UST: variants seen among roughly 807,000 people sequenced by gnomAD.
UST encodes the protein chondroitin sulfate 2-O-sulfotransferase.
In UST, 21 loss-of-function variants were observed where a neutral mutation model predicts 45.6. The ratio of observed to expected loss-of-function variants is 0.46; its 90% CI spans 0.33 to 0.66. The LOEUF is 0.66. Among genes scored for constraint, UST ranks in the 30% least tolerant of loss-of-function variants. The probability of loss-of-function intolerance (pLI) is 0.02; values close to 1 mark genes in which losing one functional copy is unlikely to be tolerated. For missense variants in UST, 463 were observed against 512.4 expected (o/e 0.90, Z 0.93); for synonymous variants, 215 against 200.6 (o/e 1.07, Z -0.61).
At position 148,969,805 on chromosome 6, in the gene UST, C is replaced by T. The variant is rs547721014; in HGVS notation, c.681+5242C>T. ...AAATTGCCTCACTAGATTCCTTCCC[C>T]CGGGAACCTGTTTCTAAGGAAACTA... On this transcript the variant is annotated intron_variant, in intron 5 of 7. Transcript: ENST00000367463. Among the ~76,000 whole-genome samples, 8 of 152,310 alleles carry T rather than the reference C, an allele frequency of 5.3e-5. No homozygotes were observed. The East Asian group carries it at 9.6e-4, about 18-fold the overall frequency.
At chr6:149,052,633 A>G (rs367555336) in intron 7 of UST, among the ~76,000 whole-genome samples, 2 of 152,164 alleles carry the variant, frequency 1.3e-5, no homozygotes, top group African/African-American at 4.8e-5. Context: ...GCAAAATCTA[A>G]AACATGATTA....
At chr6:149,021,543 T>C in intron 7 of UST, 62 bp downstream of exon 7, 2 of 1,561,870 alleles carry the variant, frequency 1.3e-6, no homozygotes, top group Non-Finnish European at 1.7e-6. Context: ...CTACTCACCT[T>C]GAAAAGGCCT....
chr6:148,861,827 C>T (rs1381186713), intron 1 of UST, among the ~76,000 whole-genome samples: 1 of 152,174 alleles, frequency 6.6e-6, no homozygotes, highest in Non-Finnish European at 1.5e-5. Flanking sequence ...TTCCTTAATC[C>T]TGAGTTCTAG....
At chr6:149,049,981 T>A (rs1211769808) in intron 7 of UST, among the ~76,000 whole-genome samples, 1 of 149,252 alleles carries the variant, frequency 6.7e-6, no homozygotes, top group Non-Finnish European at 1.5e-5. Flanking sequence ...CCCTTTCTTG[T>A]ATACAGAAGC....
chr6:148,782,091 C>CT (rs1057313494), intron 1 of UST, among the ~76,000 whole-genome samples: 24 of 151,532 alleles, frequency 1.6e-4, no homozygotes, highest in Non-Finnish European at 2.4e-4. Context: ...AAATACATTT[C>CT]TTTTTTTTTG....
At chr6:148,777,073 T>C (rs2114682806) in intron 1 of UST, among the ~76,000 whole-genome samples, 1 of 152,302 alleles carries the variant, frequency 6.6e-6, no homozygotes, top group African/African-American at 2.4e-5. Flanking sequence ...ACAGCAGGAA[T>C]GGCCCTCACT....
chr6:148,847,587 A>C (rs1180957562), intron 1 of UST, among the ~76,000 whole-genome samples: 1 of 152,192 alleles, frequency 6.6e-6, no homozygotes, highest in Non-Finnish European at 1.5e-5. Flanking sequence ...TCCTTACACA[A>C]GGACATGAAT....
At chr6:148,962,385 C>T (rs1780678619) in intron 4 of UST, among the ~76,000 whole-genome samples, 1 of 152,338 alleles carries the variant, frequency 6.6e-6, no homozygotes, top group Middle Eastern at 3.4e-3. Flanking sequence ...CACTAGCAGT[C>T]ATTCTTCACA....
At chr6:148,901,643 T>G (rs1225440271) in intron 2 of UST, among the ~76,000 whole-genome samples, 1 of 151,322 alleles carries the variant, frequency 6.6e-6, no homozygotes, top group Non-Finnish European at 1.5e-5. Context: ...CTGCAACCTC[T>G]GCCTCCCGGG....
intron 5 of UST, among the ~76,000 whole-genome samples, chr6:149,010,907 A>ACAAACAAC (rs1191337557): frequency 1.4e-5 from 2 of 140,498 alleles, no homozygotes; most frequent in Non-Finnish European, 3.1e-5. Flanking sequence ...AAAAAAAAAA[A>ACAAACAAC]AAAAAAAAAA....
At chr6:149,045,604 A>T (rs1776384747) in intron 7 of UST, among the ~76,000 whole-genome samples, 1 of 152,112 alleles carries the variant, frequency 6.6e-6, no homozygotes, top group African/African-American at 2.4e-5. Flanking sequence ...CACCACAGGG[A>T]GGTGACTGGA....
At chr6:149,065,031 A>G (rs1483951844) in intron 7 of UST, among the ~76,000 whole-genome samples, 1 of 152,188 alleles carries the variant, frequency 6.6e-6, no homozygotes, top group Non-Finnish European at 1.5e-5. Context: ...CAGTGGGCAC[A>G]AGAGACATGA....
At chr6:148,939,538 A>G (rs1160492782) in intron 2 of UST, among the ~76,000 whole-genome samples, 2 of 152,210 alleles carry the variant, frequency 1.3e-5, no homozygotes, top group Admixed American at 1.3e-4. Context: ...AGAATCCAGA[A>G]ATAATAATGA....
chr6:148,886,939 T>C lies in UST; in HGVS notation c.248-47T>C, dbSNP rs757117273. ...TTCAATAACTTTGCACTAAATTCAT[T>C]TGGGATTTAAAAAACGGATTCATCA... On this transcript the variant is annotated intron_variant, in intron 1 of 7. Coordinates refer to ENST00000367463, the MANE Select transcript of UST (RefSeq NM_005715.3). 4 of 1,509,462 alleles carry C rather than the reference T, an allele frequency of 2.6e-6. No homozygotes were observed. In the Admixed American group the frequency reaches 5.1e-5, roughly 19 times the overall value. 93.5% of individuals were successfully genotyped at this position (1,509,462 alleles called of 1,614,324 possible). A position where few individuals can be genotyped will look rare whatever the true frequency, so the allele number is the denominator to read the frequency against.
chr6:149,072,510 AG>A (rs1298709411), intron 7 of UST, among the ~76,000 whole-genome samples: 1 of 152,040 alleles, frequency 6.6e-6, no homozygotes. Context: ...AAAATTAGCC[AG>A]GCATGGTGGT....
At chr6:148,883,165 T>C (rs1335133508) in intron 1 of UST, among the ~76,000 whole-genome samples, 5 of 152,240 alleles carry the variant, frequency 3.3e-5, no homozygotes, top group Non-Finnish European at 2.9e-5. Context: ...AGAGATAGAA[T>C]TGACCATTTT....
chr6:148,848,261 T>C (rs990844867), intron 1 of UST, among the ~76,000 whole-genome samples: 1 of 152,086 alleles, frequency 6.6e-6, no homozygotes, highest in African/African-American at 2.4e-5. Flanking sequence ...GACAGCAGAG[T>C]CTTGTTCTGC....
intron 2 of UST, among the ~76,000 whole-genome samples, chr6:148,925,723 A>G (rs186065908): frequency 2.6e-5 from 4 of 152,370 alleles, no homozygotes; most frequent in Non-Finnish European, 2.9e-5. Flanking sequence ...CTGGATGAAC[A>G]TAGTTTAACC....
chr6:148,971,574 C>G (rs1322765297), intron 5 of UST, among the ~76,000 whole-genome samples: 1 of 152,126 alleles, frequency 6.6e-6, no homozygotes, highest in Non-Finnish European at 1.5e-5. Context: ...TGAGCTATAT[C>G]TGAAGGGAAA....
Sources: allele counts gnomAD v4.1 joint callset (sites outside exome capture counted in the v4.1 genomes callset), GRCh38; gene constraint gnomAD v4.1.1; transcripts MANE v1.5; gene names NCBI Gene and HGNC (gene_info 2026-07-23, HGNC 2026-07-21).